Variants in GYPC observed in about 807,000 individuals in gnomAD.
GYPC encodes glycophorin-C.
Under a neutral mutation model 12.6 loss-of-function variants are expected in GYPC, and 14 were observed. The observed-to-expected ratio is 1.11, with a 90% CI of 0.74 to 1.74. The LOEUF is 1.74. Among genes scored for constraint, GYPC ranks in the 40% most tolerant of loss-of-function variants. GYPC has a pLI of 0.00. For synonymous variants in GYPC, 78 were observed against 62.1 expected, an observed-to-expected ratio of 1.26 and a Z score of -1.20; for missense variants, 225 against 172.1, an observed-to-expected ratio of 1.31 and a Z score of -1.72.
Position 126,696,409 on chromosome 2 carries a change from G to A in GYPC, c.*267G>A. 2.1e-6 allele frequency: 1 copy of A among 473,790 alleles called. No individual in the cohort carries two copies. The highest frequency in any genetic ancestry group is 3.9e-6 in the Non-Finnish European group (1 of 257,462). 29.3% of individuals were successfully genotyped at this position (473,790 alleles called of 1,614,324 possible). ...TCCACGGAGGTGGGAGAAAATCTGG[G>A]CACATGGGGCCCCCTGGGCAGTGCA... is the stretch of plus-strand genomic sequence containing the variant. On this transcript the variant is annotated 3_prime_UTR_variant, in exon 4 of 4. Coordinates refer to ENST00000259254, the MANE Select transcript of GYPC (RefSeq NM_002101.5).
intron 1 of GYPC, among the ~76,000 whole-genome samples, chr2:126,666,418 C>T (rs954556941): frequency 1.3e-5 from 2 of 152,202 alleles, no homozygotes; most frequent in Admixed American, 1.3e-4. Flanking sequence ...TAGGCACTTT[C>T]AAATCTGTTT....
chr2:126,669,657 T>G (rs753871988), intron 1 of GYPC, among the ~76,000 whole-genome samples: 4 of 152,190 alleles, frequency 2.6e-5, no homozygotes, highest in Non-Finnish European at 5.9e-5. Flanking sequence ...GAAATGAAGC[T>G]TGTCACTCAC....
chr2:126,695,024 C>T (rs1283428738), intron 3 of GYPC, among the ~76,000 whole-genome samples: 2 of 152,202 alleles, frequency 1.3e-5, no homozygotes, highest in East Asian at 3.9e-4. Flanking sequence ...CCCTCTCCCA[C>T]TTCAGTCCTT....
At chr2:126,671,829 G>A (rs1682863841) in intron 1 of GYPC, among the ~76,000 whole-genome samples, 5 of 152,228 alleles carry the variant, frequency 3.3e-5, no homozygotes, top group Non-Finnish European at 1.5e-5. Flanking sequence ...ACTAAGGGCT[G>A]GGTGGCCAGT....
intron 1 of GYPC, among the ~76,000 whole-genome samples, chr2:126,689,318 C>G (rs1683384359): frequency 6.6e-6 from 1 of 152,166 alleles, no homozygotes; most frequent in Non-Finnish European, 1.5e-5. Flanking sequence ...CGTCTCTGAG[C>G]CTTGGTGTTC....
intron 1 of GYPC, among the ~76,000 whole-genome samples, chr2:126,674,623 G>C (rs1332731208): frequency 6.6e-6 from 1 of 152,212 alleles, no homozygotes; most frequent in Non-Finnish European, 1.5e-5. Flanking sequence ...CCATGTGACG[G>C]CACTGAGCCT....
chr2:126,683,029 T>A (rs1683190681), intron 1 of GYPC, among the ~76,000 whole-genome samples: 1 of 152,202 alleles, frequency 6.6e-6, no homozygotes, highest in South Asian at 2.1e-4. Flanking sequence ...TAAAGAAGGA[T>A]ATTTGTGAAC....
chr2:126,667,445 A>C (rs11692939), intron 1 of GYPC, among the ~76,000 whole-genome samples: 47,105 of 142,710 alleles, frequency 0.33, 8,353 homozygotes, highest in Middle Eastern at 0.43. Flanking sequence ...CTCTTGTTGC[A>C]CAGGCTGGGG....
At chr2:126,689,051 A>G (rs1046190287) in intron 1 of GYPC, among the ~76,000 whole-genome samples, 1 of 152,206 alleles carries the variant, frequency 6.6e-6, no homozygotes, top group Non-Finnish European at 1.5e-5. Context: ...CAGGTCCCCA[A>G]TGTCCTAGAC....
chr2:126,694,237 G>C (rs563314459), intron 3 of GYPC, among the ~76,000 whole-genome samples: 1 of 152,120 alleles, frequency 6.6e-6, no homozygotes, highest in Non-Finnish European at 1.5e-5. Flanking sequence ...GAGGTTGAGG[G>C]TGGAGGTGAG....
chr2:126,692,561 A>T (rs1683503622), intron 2 of GYPC, among the ~76,000 whole-genome samples: 1 of 152,190 alleles, frequency 6.6e-6, no homozygotes, highest in Non-Finnish European at 1.5e-5. Flanking sequence ...TCCTATGTTA[A>T]CACTGATATT....
At chr2:126,690,178 A>T in intron 1 of GYPC, 77 bp from the exon 2 acceptor site, 1 of 1,032,416 alleles carries the variant, frequency 9.7e-7, no homozygotes, top group Non-Finnish European at 1.5e-6. Flanking sequence ...TGAGCAAAGG[A>T]TGCAGCTTGG....
intron 1 of GYPC, among the ~76,000 whole-genome samples, chr2:126,663,630 G>A (rs1039240801): frequency 1.3e-5 from 2 of 152,214 alleles, no homozygotes; most frequent in African/African-American, 4.8e-5. Flanking sequence ...GCAAACGGAT[G>A]GAGGGATGTG....
Position 126,696,475 on chromosome 2 carries a change from G to C in GYPC, c.*333G>C. 1 of 378,042 alleles carries C rather than the reference G, an allele frequency of 2.6e-6. No homozygotes were observed. The highest frequency in any genetic ancestry group is 2.2e-5 in the South Asian group (1 of 44,916). 23.4% of individuals were successfully genotyped at this position (378,042 alleles called of 1,614,324 possible). ...ACTGGCAGGAAAGTCCTTGTTGAGGGTGAGGGGGTGCTGGGGTACCCGGGG... is the reference window on the plus strand; with the variant it reads ...ACTGGCAGGAAAGTCCTTGTTGAGGCTGAGGGGGTGCTGGGGTACCCGGGG... On this transcript the variant is annotated 3_prime_UTR_variant, in exon 4 of 4. Coordinates refer to ENST00000259254, the MANE Select transcript of GYPC (RefSeq NM_002101.5).
chr2:126,696,442 A>C lies in GYPC; in HGVS notation c.*300A>C. The C allele has an allele frequency of 4.9e-6, 2 of 408,030 alleles. No homozygotes were observed. Among genetic ancestry groups the C allele is most frequent in the Non-Finnish European group, 4.6e-6 (1 of 215,302 alleles). 25.3% of individuals were successfully genotyped at this position (408,030 alleles called of 1,614,324 possible). A position where few individuals can be genotyped will look rare whatever the true frequency, so the allele number is the denominator to read the frequency against. ...GGCCCCCTGGGCAGTGCAGGACAAC[A>C]TCAGCTCACTGGCAGGAAAGTCCTT... On this transcript the variant is annotated 3_prime_UTR_variant, in exon 4 of 4. Coordinates refer to ENST00000259254, the MANE Select transcript of GYPC (RefSeq NM_002101.5).
At chr2:126,690,120 C>A in intron 1 of GYPC, 135 bp from the exon 2 acceptor site, 1 of 747,822 alleles carries the variant, frequency 1.3e-6, no homozygotes, top group Non-Finnish European at 2.4e-6. Context: ...GGTGGGTGCA[C>A]CACACTGTCT....
Position 126,696,248 on chromosome 2 carries a change from C to T in GYPC, c.*106C>T, listed in dbSNP as rs1461190621. On this transcript the variant is annotated 3_prime_UTR_variant, in exon 4 of 4. Transcript: ENST00000259254. ...GATACCACCAGACAGAGAGAGAGAGCACTTGATTCTTCCCGAGATAGCCAC... is the reference window on the plus strand; with the variant it reads ...GATACCACCAGACAGAGAGAGAGAGTACTTGATTCTTCCCGAGATAGCCAC... 3.5e-6 allele frequency: 3 copies of T among 855,286 alleles called. No homozygotes were observed. The highest frequency in any genetic ancestry group is 3.9e-6 in the Non-Finnish European group (2 of 513,544). The allele number at this position is 855,286 out of a possible 1,614,324, so 53.0% of individuals were successfully genotyped here.
chr2:126,676,586 A>T (rs1161722466), intron 1 of GYPC, among the ~76,000 whole-genome samples: 4 of 152,248 alleles, frequency 2.6e-5, no homozygotes, highest in Admixed American at 6.5e-5. Flanking sequence ...AGGCAGAGTT[A>T]TGTATGTGTT....
chr2:126,679,270 G>A (rs1232939484), intron 1 of GYPC, among the ~76,000 whole-genome samples: 3 of 152,196 alleles, frequency 2.0e-5, no homozygotes, highest in Non-Finnish European at 4.4e-5. Flanking sequence ...AGGCTCACAT[G>A]CAGAGGATGC....
Sources: allele counts gnomAD v4.1 joint callset (sites outside exome capture counted in the v4.1 genomes callset), GRCh38; gene constraint gnomAD v4.1.1; transcripts MANE v1.5; gene names NCBI Gene and HGNC (gene_info 2026-07-23, HGNC 2026-07-21).